The following HEATR3 variants were observed in gnomAD, a reference collection of about 807,000 sequenced individuals.
HEATR3 encodes HEAT repeat-containing protein 3.
In HEATR3, 56 loss-of-function variants were observed where a neutral mutation model predicts 72.8. That is an observed-to-expected ratio of 0.77 (90% CI 0.62 to 0.96). The LOEUF (loss-of-function observed/expected upper bound fraction) is 0.96. Ranked by LOEUF, HEATR3 falls within the 40% of genes least tolerant of loss-of-function variation. The pLI, the probability that HEATR3 is intolerant of heterozygous loss-of-function variation, is 0.00. For synonymous variants in HEATR3, 331 were observed against 318.1 expected, an observed-to-expected ratio of 1.04 and a Z score of -0.43; for missense variants, 747 against 831.4, an observed-to-expected ratio of 0.90 and a Z score of 1.25.
intron 12 of HEATR3, among the ~76,000 whole-genome samples, chr16:50,097,673 A>G (rs1299157356): frequency 2.0e-5 from 3 of 151,982 alleles, no homozygotes; most frequent in African/African-American, 4.8e-5. Flanking sequence ...CCAACACTTT[A>G]GGAGGCTGAG....
At chr16:50,082,064 G>A (rs2036878393) in intron 7 of HEATR3, among the ~76,000 whole-genome samples, 2 of 152,140 alleles carry the variant, frequency 1.3e-5, no homozygotes, top group South Asian at 4.1e-4. Flanking sequence ...ATCTTCGGCT[G>A]GGCATGGTGG....
chr16:50,095,271 A>G (rs144731672), intron 12 of HEATR3, among the ~76,000 whole-genome samples: 1 of 151,870 alleles, frequency 6.6e-6, no homozygotes, highest in African/African-American at 2.4e-5. Flanking sequence ...GCGTCACCAC[A>G]AAATTTTTGT....
chr16:50,086,161 T>C, intron 10 of HEATR3, 54 bp from the exon 11 acceptor site: 1 of 1,514,580 alleles, frequency 6.6e-7, no homozygotes, highest in African/African-American at 1.4e-5. Flanking sequence ...TAATACTGAA[T>C]TCTGATGGGC....
At chr16:50,097,965 A>G (rs1245601258) in intron 12 of HEATR3, among the ~76,000 whole-genome samples, 2 of 151,886 alleles carry the variant, frequency 1.3e-5, no homozygotes, top group African/African-American at 4.8e-5. Flanking sequence ...TACTTCTCCA[A>G]GAAGCTCTGA....
intron 4 of HEATR3, among the ~76,000 whole-genome samples, chr16:50,071,617 A>G (rs1218008117): frequency 1.3e-5 from 2 of 152,194 alleles, no homozygotes; most frequent in African/African-American, 2.4e-5. Flanking sequence ...TTTATATTTC[A>G]AATTATCTTT....
At chr16:50,087,880 A>G (rs1210119279) in intron 11 of HEATR3, among the ~76,000 whole-genome samples, 1 of 152,092 alleles carries the variant, frequency 6.6e-6, no homozygotes, top group Non-Finnish European at 1.5e-5. Flanking sequence ...TAATCCCAGC[A>G]CTTTGGGAGG....
At chr16:50,082,559 T>C (rs2036889737) in intron 7 of HEATR3, among the ~76,000 whole-genome samples, 1 of 151,914 alleles carries the variant, frequency 6.6e-6, no homozygotes, top group Non-Finnish European at 1.5e-5. Context: ...GCTACGTCTA[T>C]TGAATTAGCA....
At position 50,083,987 on chromosome 16, in the gene HEATR3, G is replaced by C; in HGVS notation, c.1092G>C (p.Gln364His). 2 of 1,612,726 alleles carry C rather than the reference G, an allele frequency of 1.2e-6. No homozygotes were observed. The highest frequency in any genetic ancestry group is 2.2e-5 in the South Asian group (2 of 91,044). The change falls in exon 8 of 15, where the codon CAG becomes CAC. Residue 364 changes from glutamine to histidine, a missense_variant. This residue lies in a region of HEATR3 where 586 missense variants were observed against 708.8 expected (regional missense o/e 0.83). Coordinates refer to ENST00000299192, the MANE Select transcript of HEATR3 (RefSeq NM_182922.4). Reference protein sequence around the residue: ...RETIALLTAQQTALEIIVNMC... With the variant: ...RETIALLTAQHTALEIIVNMC... ...CTATAGCATTGCTGACAGCCCAACA[G>C]ACTGCTCTGGAAATTATTGTCAACA... is the stretch of plus-strand genomic sequence containing the variant.
At chr16:50,079,976 C>T in intron 7 of HEATR3, 1 of 152,430 alleles carries the variant, frequency 6.6e-6, no homozygotes, top group Non-Finnish European at 1.5e-5. Context: ...CCAGAGAGAG[C>T]CGTTTAGACA....
At chr16:50,067,910 A>G (rs1281469613) in intron 2 of HEATR3, among the ~76,000 whole-genome samples, 2 of 152,248 alleles carry the variant, frequency 1.3e-5, no homozygotes, top group East Asian at 3.8e-4. Flanking sequence ...CCAAACAGTT[A>G]CATAAGTGTA....
chr16:50,079,503 G>T (rs1379150178), intron 7 of HEATR3, among the ~76,000 whole-genome samples: 1 of 152,150 alleles, frequency 6.6e-6, no homozygotes, highest in African/African-American at 2.4e-5. Context: ...ATGAATGATG[G>T]TTTGTAGTTT....
In HEATR3 at chr16:50,088,546, T is replaced by C. The variant is rs778130713; in HGVS notation, c.1510+2195T>C. 1.1e-4 allele frequency among the ~76,000 whole-genome samples: 16 copies of C among 152,306 alleles called. No homozygotes were observed. In the South Asian group the frequency reaches 2.3e-3, roughly 22 times the overall value. Reference sequence around the variant, plus strand: ...ACAAGCACTGGAGTACAGAGGCAGCTCGTCAGTGTGAGCAGACCAGATGAT... The same window carrying C: ...ACAAGCACTGGAGTACAGAGGCAGCCCGTCAGTGTGAGCAGACCAGATGAT... On this transcript the variant is annotated intron_variant, in intron 11 of 14. Coordinates refer to ENST00000299192, the MANE Select transcript of HEATR3 (RefSeq NM_182922.4).
chr16:50,101,118 T>TG (rs397708897), intron 13 of HEATR3, among the ~76,000 whole-genome samples: 3 of 129,096 alleles, frequency 2.3e-5, no homozygotes, highest in East Asian at 2.0e-4. Flanking sequence ...TTTTTTTTTT[T>TG]CTTTTTTTTT....
At position 50,083,993 on chromosome 16, in the gene HEATR3, T is replaced by G. The variant is rs140419495; in HGVS notation, c.1098T>G (p.Ala366=). 3.1e-6 allele frequency: 5 copies of G among 1,613,852 alleles called. No homozygotes were observed. In the East Asian group the frequency reaches 8.9e-5, roughly 29 times the overall value. ...TIALLTAQQT[A]LEIIVNMCCN... is the part of the protein sequence containing the mutation. ...CATTGCTGACAGCCCAACAGACTGC[T>G]CTGGAAATTATTGTCAACATGTGCT... Residue 366 remains alanine (A), a synonymous_variant, in exon 8 of 15, where the codon GCT becomes GCG. Coordinates refer to ENST00000299192, the MANE Select transcript of HEATR3 (RefSeq NM_182922.4).
At chr16:50,079,660 TAAG>T (rs919026605) in intron 7 of HEATR3, among the ~76,000 whole-genome samples, 2 of 152,106 alleles carry the variant, frequency 1.3e-5, no homozygotes, top group Non-Finnish European at 2.9e-5. Flanking sequence ...AACACTTTGT[TAAG>T]GAGGAGAGCA....
At chr16:50,072,540 G>T in intron 4 of HEATR3, 65 bp from the exon 5 acceptor site, 1 of 1,014,290 alleles carries the variant, frequency 9.9e-7, no homozygotes, top group Non-Finnish European at 1.5e-6. Context: ...TTTATGGATT[G>T]CTATGGTTGA....
chr16:50,076,924 G>C (rs1416104113), intron 6 of HEATR3, among the ~76,000 whole-genome samples: 1 of 145,350 alleles, frequency 6.9e-6, no homozygotes, highest in Non-Finnish European at 1.5e-5. Context: ...GCTGGAGTGC[G>C]TGGCGCGATC....
chr16:50,102,221 T>C (rs1422225514), intron 13 of HEATR3, 38 bp from the exon 14 acceptor site: 1 of 1,556,964 alleles, frequency 6.4e-7, no homozygotes, highest in Non-Finnish European at 8.7e-7. Flanking sequence ...TTTTGGAGAC[T>C]GGTGTTAGTC....
At chr16:50,101,071 T>C (rs2037353638) in intron 13 of HEATR3, among the ~76,000 whole-genome samples, 2 of 151,984 alleles carry the variant, frequency 1.3e-5, no homozygotes, top group East Asian at 3.9e-4. Context: ...CTGATGTTTT[T>C]AAGAATCTAT....
Sources: gnomAD v4.1 joint callset for allele counts (sites outside exome capture counted in the v4.1 genomes callset) on GRCh38, gnomAD v4.1.1 for gene constraint, gnomAD v4.1.1 regional missense constraint, MANE v1.5 for transcripts, NCBI Gene and HGNC (gene_info 2026-07-23, HGNC 2026-07-21) for gene names.